The following DLG2 variants were observed in gnomAD, a reference collection of about 807,000 sequenced individuals.
The protein encoded by DLG2 is discs large MAGUK scaffold protein 2, also known as disks large homolog 2.
A neutral mutation model predicts 132.5 loss-of-function variants in DLG2; 45 were observed. The ratio of observed to expected loss-of-function variants is 0.34; its 90% confidence interval spans 0.27 to 0.44. The LOEUF is 0.44. Ranked by LOEUF, DLG2 falls within the 20% of genes least tolerant of loss-of-function variation. The probability of loss-of-function intolerance (pLI) is 1.00; values close to 1 mark genes in which losing one functional copy is unlikely to be tolerated. For missense variants in DLG2, 1,045 were observed against 1,196.9 expected (o/e 0.87, Z 1.87); for synonymous variants, 424 against 419.6 (o/e 1.01, Z -0.13).
At chr11:84,745,579 T>C (rs2065256777) in intron 6 of DLG2, among the ~76,000 whole-genome samples, 1 of 152,174 alleles carries the variant, frequency 6.6e-6, no homozygotes, top group African/African-American at 2.4e-5. Context: ...AATATGAGAA[T>C]GGCCTAATAA....
At chr11:84,595,086 T>A (rs925560515) in intron 6 of DLG2, among the ~76,000 whole-genome samples, 9 of 152,186 alleles carry the variant, frequency 5.9e-5, no homozygotes, top group African/African-American at 1.2e-4. Context: ...ATACTCATTT[T>A]ATATTTATTT....
chr11:84,052,359 T>G (rs1468737901), intron 11 of DLG2, among the ~76,000 whole-genome samples: 5 of 151,940 alleles, frequency 3.3e-5, no homozygotes, highest in African/African-American at 1.2e-4. Context: ...CGCTAAATAT[T>G]AAAAGCTTTT....
chr11:83,790,480 T>G, intron 17 of DLG2: 1 of 1,229,680 alleles, frequency 8.1e-7, no homozygotes, highest in Non-Finnish European at 1.2e-6. Context: ...GTCACTACCA[T>G]GGGACCACTA....
chr11:83,937,457 G>A (rs1297196213), intron 14 of DLG2, among the ~76,000 whole-genome samples: 2 of 144,476 alleles, frequency 1.4e-5, no homozygotes, highest in African/African-American at 5.2e-5. Flanking sequence ...GCAGTGAGCC[G>A]AGATTGTGCC....
intron 10 of DLG2, 94 bp from the exon 11 acceptor site, chr11:84,059,578 G>C (rs1162992924): frequency 2.0e-6 from 2 of 989,916 alleles, no homozygotes; most frequent in Admixed American, 3.7e-5. Flanking sequence ...AAGTGGGAAA[G>C]TAAAGAATCT....
intron 6 of DLG2, among the ~76,000 whole-genome samples, chr11:85,043,668 AAAAC>A (rs1329379046): frequency 2.3e-4 from 34 of 146,968 alleles, no homozygotes; most frequent in Admixed American, 1.6e-3. Context: ...GCCAACAACA[AAAAC>A]AAACAGAAGA....
chr11:84,353,377 C>T (rs1430963640), intron 7 of DLG2, among the ~76,000 whole-genome samples: 1 of 152,162 alleles, frequency 6.6e-6, no homozygotes, highest in Non-Finnish European at 1.5e-5. Context: ...TGGTGAATGA[C>T]ACTGCCATTC....
In DLG2 at chr11:84,149,706, T is replaced by C. The variant is rs1267933156; in HGVS notation, c.624+13755A>G. 3.3e-5 allele frequency among the ~76,000 whole-genome samples: 5 copies of C among 152,192 alleles called. No homozygotes were observed. The East Asian group carries it at 9.6e-4, about 29-fold the overall frequency. ...TCCTTAGGCTACTCAGCCTCTTTTT[T>C]GGTTACATAAGAATTTTATTTATTT... On this transcript the variant is annotated intron_variant, in intron 9 of 27. Transcript: ENST00000376104.
chr11:84,619,714 T>TA (rs1324435600), intron 6 of DLG2, among the ~76,000 whole-genome samples: 6 of 151,534 alleles, frequency 4.0e-5, no homozygotes, highest in African/African-American at 1.5e-4. Flanking sequence ...AGAGAACTGA[T>TA]AAAAAAATTC....
chr11:83,878,029 G>A (rs2065211723), intron 15 of DLG2, among the ~76,000 whole-genome samples: 1 of 152,188 alleles, frequency 6.6e-6, no homozygotes. Context: ...TCCTCAGGAA[G>A]AGAGGCCAGT....
intron 7 of DLG2, among the ~76,000 whole-genome samples, chr11:84,458,426 T>C (rs947983435): frequency 1.3e-5 from 2 of 150,916 alleles, no homozygotes. Flanking sequence ...TCACCTGGAA[T>C]ATTGTCATAT....
At chr11:83,896,307 C>T (rs149195187) in intron 15 of DLG2, among the ~76,000 whole-genome samples, 60 of 152,274 alleles carry the variant, frequency 3.9e-4, no homozygotes, top group Non-Finnish European at 2.8e-4. Flanking sequence ...CAGAGGTAGA[C>T]GATTTAAGCA....
intron 3 of DLG2, among the ~76,000 whole-genome samples, chr11:85,581,054 A>G (rs2078481398): frequency 6.6e-6 from 1 of 152,112 alleles, no homozygotes; most frequent in Non-Finnish European, 1.5e-5. Context: ...CAGGGAAGGG[A>G]AGAAATAGGG....
In DLG2 at chr11:85,503,650, G is replaced by A. The variant is rs987070141; in HGVS notation, c.40+95007C>T. On this transcript the variant is annotated intron_variant, in intron 3 of 27. Transcript: ENST00000376104. ...GTGGCTTTATAAGAAAAGAAACAAA[G>A]ACCAGGAATGGTGACCCATGCCTGT... is the stretch of plus-strand genomic sequence containing the variant. Among the ~76,000 whole-genome samples the A allele has an allele frequency of 2.0e-5, 3 of 152,042 alleles. No homozygotes were observed. The East Asian group carries it at 5.8e-4, about 29-fold the overall frequency.
At chr11:84,087,495 C>T (rs1160283934) in intron 10 of DLG2, among the ~76,000 whole-genome samples, 1 of 152,120 alleles carries the variant, frequency 6.6e-6, no homozygotes, top group Non-Finnish European at 1.5e-5. Flanking sequence ...CTGAATAATG[C>T]CCCTCACCTC....
At chr11:85,504,347 T>C (rs897141834) in intron 3 of DLG2, among the ~76,000 whole-genome samples, 16 of 152,170 alleles carry the variant, frequency 1.1e-4, no homozygotes, top group African/African-American at 3.6e-4. Context: ...TGGTTTTAGG[T>C]CTAACATTTA....
intron 3 of DLG2, among the ~76,000 whole-genome samples, chr11:85,476,174 C>T (rs554760353): frequency 3.9e-5 from 6 of 152,080 alleles, no homozygotes; most frequent in Admixed American, 1.3e-4. Flanking sequence ...GTACTGAATA[C>T]TGTAAGCAAC....
intron 22 of DLG2, chr11:83,480,477 G>GA: frequency 6.7e-7 from 1 of 1,500,438 alleles, no homozygotes; most frequent in Non-Finnish European, 9.0e-7. Context: ...GAACGGAAAG[G>GA]AATACACTCA....
At chr11:84,823,601 AC>A (rs1481745584) in intron 6 of DLG2, among the ~76,000 whole-genome samples, 76 of 150,586 alleles carry the variant, frequency 5.0e-4, no homozygotes, top group African/African-American at 1.8e-3. Flanking sequence ...ACACACACAC[AC>A]ACACACACAC....
Sources: allele counts gnomAD v4.1 joint callset (sites outside exome capture counted in the v4.1 genomes callset), GRCh38; gene constraint gnomAD v4.1.1; transcripts MANE v1.5; gene names NCBI Gene and HGNC (gene_info 2026-07-23, HGNC 2026-07-21).